Variants in FGF7 observed in about 807,000 individuals in gnomAD.
FGF7 encodes the protein FGF-7.
In FGF7, 6 loss-of-function variants were observed where a neutral mutation model predicts 20.5. The observed-to-expected ratio is 0.29, with a 90% CI of 0.16 to 0.58. FGF7 has a LOEUF of 0.58. FGF7 is among the 20% of genes least tolerant of loss of function. The pLI is 0.90. For synonymous variants in FGF7, 64 were observed against 74.7 expected, an observed-to-expected ratio of 0.86 and a Z score of 0.74; for missense variants, 144 against 228.8, an observed-to-expected ratio of 0.63 and a Z score of 2.39.
chr15:49,444,096 G>A (rs2051948336), intron 2 of FGF7, among the ~76,000 whole-genome samples: 1 of 151,614 alleles, frequency 6.6e-6, no homozygotes, highest in African/African-American at 2.4e-5. Flanking sequence ...AGGATCTTAC[G>A]GCAGTGTTGG....
intron 2 of FGF7, among the ~76,000 whole-genome samples, chr15:49,480,032 A>G (rs1344145622): frequency 6.6e-6 from 1 of 152,200 alleles, no homozygotes; most frequent in East Asian, 1.9e-4. Flanking sequence ...TCTTGAATAA[A>G]AGAGGGTTGT....
At chr15:49,432,660 T>C (rs1455809379) in intron 2 of FGF7, among the ~76,000 whole-genome samples, 3 of 151,654 alleles carry the variant, frequency 2.0e-5, no homozygotes, top group Admixed American at 1.3e-4. Flanking sequence ...AACTATACAA[T>C]TGACCTGAAC....
intron 2 of FGF7, among the ~76,000 whole-genome samples, chr15:49,474,690 C>T (rs571332684): frequency 3.3e-5 from 5 of 152,276 alleles, no homozygotes; most frequent in East Asian, 1.9e-4. Context: ...AGGAACTAGG[C>T]GGCAGAGCAG....
At chr15:49,442,204 A>G (rs1437253108) in intron 2 of FGF7, among the ~76,000 whole-genome samples, 1 of 151,556 alleles carries the variant, frequency 6.6e-6, no homozygotes, top group East Asian at 2.0e-4. Flanking sequence ...GAAAGATTCT[A>G]TTCTAGCCAG....
chr15:49,460,997 A>T (rs1040987476), intron 2 of FGF7, among the ~76,000 whole-genome samples: 3 of 152,180 alleles, frequency 2.0e-5, no homozygotes, highest in African/African-American at 7.2e-5. Context: ...ATAAAGAATG[A>T]GTGATATTCA....
chr15:49,461,266 T>A (rs1030125256), intron 2 of FGF7, among the ~76,000 whole-genome samples: 20 of 152,190 alleles, frequency 1.3e-4, no homozygotes, highest in African/African-American at 4.8e-4. Context: ...AGGCAATTAG[T>A]TCCTCAAAGA....
At chr15:49,467,293 C>G (rs1343654916) in intron 2 of FGF7, among the ~76,000 whole-genome samples, 1 of 152,080 alleles carries the variant, frequency 6.6e-6, no homozygotes, top group Non-Finnish European at 1.5e-5. Flanking sequence ...CTTTTTCTGA[C>G]CATTTTCCCC....
At chr15:49,444,084 T>C (rs2051946912) in intron 2 of FGF7, among the ~76,000 whole-genome samples, 1 of 151,686 alleles carries the variant, frequency 6.6e-6, no homozygotes, top group South Asian at 2.1e-4. Flanking sequence ...ACCTTTCTTA[T>C]AAGGATCTTA....
At chr15:49,435,574 G>A (rs2051029875) in intron 2 of FGF7, among the ~76,000 whole-genome samples, 1 of 151,542 alleles carries the variant, frequency 6.6e-6, no homozygotes, top group South Asian at 2.1e-4. Flanking sequence ...AATGTTGGAT[G>A]TTTAACAGGC....
chr15:49,454,756 C>T (rs372327531), intron 2 of FGF7, among the ~76,000 whole-genome samples: 2 of 152,102 alleles, frequency 1.3e-5, no homozygotes. Flanking sequence ...ATTATAGGCG[C>T]GTGCCACCAT....
At chr15:49,450,046 T>G (rs568019629) in intron 2 of FGF7, among the ~76,000 whole-genome samples, 1 of 152,108 alleles carries the variant, frequency 6.6e-6, no homozygotes, top group Non-Finnish European at 1.5e-5. Context: ...GGATCAGCAA[T>G]GCATGTGCCA....
At position 49,434,135 on chromosome 15, in the gene FGF7, C is replaced by T. The variant is rs148506628; in HGVS notation, c.286+9552C>T. On this transcript the variant is annotated intron_variant, in intron 2 of 3. Coordinates refer to ENST00000267843, the MANE Select transcript of FGF7 (RefSeq NM_002009.4). ...TCTTCAGGAGTCTTTTGGTATCTTACGGGGTCTCTAACTGTACTTCTGACC... is the reference window on the plus strand; with the variant it reads ...TCTTCAGGAGTCTTTTGGTATCTTATGGGGTCTCTAACTGTACTTCTGACC... Among the ~76,000 whole-genome samples the T allele has an allele frequency of 2.3e-4, 35 of 151,624 alleles. No individual in the cohort carries two copies. The East Asian group carries it at 6.7e-3, about 29-fold the overall frequency.
At chr15:49,475,002 TAG>T (rs1455618024) in intron 2 of FGF7, among the ~76,000 whole-genome samples, 3,344 of 76,876 alleles carry the variant, frequency 0.043, 145 homozygotes, top group African/African-American at 0.17. Flanking sequence ...CTATAAAAGA[TAG>T]AATAAACTAT....
At position 49,486,412 on chromosome 15, in the gene FGF7, C is replaced by T. The variant is rs1425143308; in HGVS notation, c.*1908C>T. The T allele has an allele frequency of 6.6e-6, 1 of 151,918 alleles. No homozygotes were observed. The highest frequency in any genetic ancestry group is 6.6e-5 in the Admixed American group (1 of 15,212). The allele number at this position is 151,918 out of a possible 1,614,324, so 9.4% of individuals were successfully genotyped here. On this transcript the variant is annotated 3_prime_UTR_variant, in exon 4 of 4. Coordinates refer to ENST00000267843, the MANE Select transcript of FGF7 (RefSeq NM_002009.4). Reference sequence around the variant, plus strand: ...GAGGTCAGGCTTCAGTAACTGTAGTCTTGTGAGCATATTGAGGGCAGAGGA... The same window carrying T: ...GAGGTCAGGCTTCAGTAACTGTAGTTTTGTGAGCATATTGAGGGCAGAGGA...
At chr15:49,466,147 T>C (rs558839269) in intron 2 of FGF7, among the ~76,000 whole-genome samples, 29 of 152,224 alleles carry the variant, frequency 1.9e-4, no homozygotes, top group Non-Finnish European at 3.2e-4. Context: ...AATTTCAATT[T>C]GGGTACTCAG....
chr15:49,460,934 C>T (rs966739458), intron 2 of FGF7, among the ~76,000 whole-genome samples: 1 of 152,148 alleles, frequency 6.6e-6, no homozygotes, highest in African/African-American at 2.4e-5. Flanking sequence ...ACTGTCCAAG[C>T]CAAATTCCAC....
At chr15:49,464,998 T>C (rs1171898226) in intron 2 of FGF7, among the ~76,000 whole-genome samples, 1 of 152,212 alleles carries the variant, frequency 6.6e-6, no homozygotes, top group Non-Finnish European at 1.5e-5. Context: ...ATTAAGAAAC[T>C]ATAATGTTAT....
At chr15:49,437,376 A>G (rs1410669865) in intron 2 of FGF7, among the ~76,000 whole-genome samples, 1 of 151,670 alleles carries the variant, frequency 6.6e-6, no homozygotes. Context: ...TTTACTGGCA[A>G]ATAGGTTCTT....
At chr15:49,450,607 G>A (rs2052634809) in intron 2 of FGF7, among the ~76,000 whole-genome samples, 1 of 152,038 alleles carries the variant, frequency 6.6e-6, no homozygotes, top group Non-Finnish European at 1.5e-5. Flanking sequence ...GTTTCCAGTG[G>A]TACAATTCAA....
Sources: gnomAD v4.1 joint callset for allele counts (sites outside exome capture counted in the v4.1 genomes callset) on GRCh38, gnomAD v4.1.1 for gene constraint, MANE v1.5 for transcripts, NCBI Gene and HGNC (gene_info 2026-07-23, HGNC 2026-07-21) for gene names.